The following NUDT3 variants were observed in gnomAD, a reference collection of about 807,000 sequenced individuals.
NUDT3 encodes the protein nudix hydrolase 3, also known as diphosphoinositol polyphosphate phosphohydrolase 1.
NUDT3 carries 9 observed loss-of-function variants against 23.6 expected under a neutral mutation model. The observed-to-expected ratio is 0.38, with a 90% CI of 0.23 to 0.66. The LOEUF (loss-of-function observed/expected upper bound fraction) is 0.66, where lower values mean the gene tolerates loss of function less well. NUDT3 is among the 30% of genes least tolerant of loss of function. The probability of loss-of-function intolerance (pLI) is 0.52; values close to 1 mark genes in which losing one functional copy is unlikely to be tolerated. For synonymous variants in NUDT3, 86 were observed against 82.6 expected (o/e 1.04, Z -0.22); for missense variants, 172 against 218.5 (o/e 0.79, Z 1.34).
intron 1 of NUDT3, among the ~76,000 whole-genome samples, chr6:34,384,715 G>A (rs1765076636): frequency 6.6e-6 from 1 of 152,188 alleles, no homozygotes; most frequent in African/African-American, 2.4e-5. Context: ...AAAGTATCAA[G>A]TAAAGGATAC....
chr6:34,366,578 G>C (rs1347677794), intron 1 of NUDT3, among the ~76,000 whole-genome samples: 1 of 150,392 alleles, frequency 6.6e-6, no homozygotes, highest in African/African-American at 2.4e-5. Context: ...GTTTTTTAGA[G>C]ACAGGGTCTC....
chr6:34,330,641 A>G (rs1764113127), intron 2 of NUDT3, among the ~76,000 whole-genome samples: 1 of 152,034 alleles, frequency 6.6e-6, no homozygotes, highest in Non-Finnish European at 1.5e-5. Context: ...TACAAAAAAT[A>G]CAAAAATTAG....
chr6:34,329,877 C>T (rs2113725351), intron 2 of NUDT3, among the ~76,000 whole-genome samples: 1 of 152,254 alleles, frequency 6.6e-6, no homozygotes, highest in East Asian at 1.9e-4. Flanking sequence ...TCAATTCCCA[C>T]CCATGAGTGA....
rs1303556590 is a variant in NUDT3 at position 34,288,013 on chromosome 6, A to T, written c.*740T>A. ...TGGGCAGGGAAATACAGCTTAAAGAAGGAAAGGCCATGAGTCCTGGGAGCA... is the reference window on the plus strand; with the variant it reads ...TGGGCAGGGAAATACAGCTTAAAGATGGAAAGGCCATGAGTCCTGGGAGCA... On this transcript the variant is annotated 3_prime_UTR_variant, in exon 5 of 5. Transcript: ENST00000607016. The T allele has an allele frequency of 6.6e-6, 1 of 152,236 alleles. No individual in the cohort carries two copies. Among genetic ancestry groups the T allele is most frequent in the East Asian group, 1.9e-4 (1 of 5,204 alleles). 9.4% of individuals were successfully genotyped at this position (152,236 alleles called of 1,614,324 possible).
intron 2 of NUDT3, among the ~76,000 whole-genome samples, chr6:34,309,737 T>C (rs1418181994): frequency 2.0e-5 from 3 of 152,010 alleles, no homozygotes; most frequent in African/African-American, 4.8e-5. Context: ...AAATTACTAA[T>C]ATTAGACATG....
At chr6:34,347,456 G>A (rs1449016678) in intron 1 of NUDT3, among the ~76,000 whole-genome samples, 1 of 151,536 alleles carries the variant, frequency 6.6e-6, no homozygotes, top group Non-Finnish European at 1.5e-5. Flanking sequence ...TCCATAGATA[G>A]ACTCTTGGAT....
Position 34,392,612 on chromosome 6 carries a change from C to G in NUDT3, c.-250G>C. On this transcript the variant is annotated 5_prime_UTR_variant, in exon 1 of 5. Coordinates refer to ENST00000607016, the MANE Select transcript of NUDT3 (RefSeq NM_006703.4). ...CCGCCAGGGCCGCCGCCCCCTCTGC[C>G]GCCGCCACCCCCGACGACGACCGCG... 3.6e-6 allele frequency: 1 copy of G among 280,130 alleles called. No individual in the cohort carries two copies. The allele number at this position is 280,130 out of a possible 1,614,324, so 17.4% of individuals were successfully genotyped here.
At chr6:34,359,976 G>A (rs1764621358) in intron 1 of NUDT3, among the ~76,000 whole-genome samples, 2 of 152,134 alleles carry the variant, frequency 1.3e-5, no homozygotes, top group Admixed American at 6.5e-5. Flanking sequence ...TTTTAAGAAT[G>A]TCTATACGCT....
chr6:34,386,738 T>C (rs751377619), intron 1 of NUDT3, among the ~76,000 whole-genome samples: 104 of 152,218 alleles, frequency 6.8e-4, no homozygotes, highest in Non-Finnish European at 1.2e-3. Context: ...TATCCCATCA[T>C]AGCTGTGGTG....
chr6:34,302,173 A>AGG (rs1763607698), intron 2 of NUDT3, among the ~76,000 whole-genome samples: 2 of 150,346 alleles, frequency 1.3e-5, no homozygotes, highest in African/African-American at 4.9e-5. Context: ...CTGGGACTAC[A>AGG]GGCACGTGCC....
chr6:34,302,591 G>A (rs988321990), intron 2 of NUDT3, among the ~76,000 whole-genome samples: 5 of 152,108 alleles, frequency 3.3e-5, no homozygotes, highest in Non-Finnish European at 7.4e-5. Context: ...AATTAGCCGA[G>A]CATGGTGGCG....
chr6:34,368,602 T>G lies in NUDT3; in HGVS notation c.99+23662A>C, dbSNP rs191419853. On this transcript the variant is annotated intron_variant, in intron 1 of 4. Coordinates refer to ENST00000607016, the MANE Select transcript of NUDT3 (RefSeq NM_006703.4). ...CTGGTGGCTCACAACCTCCCAGGTT[T>G]AAGCATCAACGTACGAAACAGTAGC... 1.2e-3 allele frequency among the ~76,000 whole-genome samples: 182 copies of G among 152,346 alleles called. 1 individual carries two copies. The East Asian group carries it at 0.013, about 11-fold the overall frequency.
chr6:34,318,740 T>G (rs1421137707), intron 2 of NUDT3, among the ~76,000 whole-genome samples: 1 of 152,134 alleles, frequency 6.6e-6, no homozygotes, highest in African/African-American at 2.4e-5. Flanking sequence ...AATTTTTTTT[T>G]TAACTGGAGA....
chr6:34,357,467 C>T lies in NUDT3; in HGVS notation c.100-15495G>A, dbSNP rs373918838. ...ATCTTTCTAAAAACTAAAAAATTAG[C>T]GGGGCATGGTAGTGAGCACCTGTAG... On this transcript the variant is annotated intron_variant, in intron 1 of 4. Coordinates refer to ENST00000607016, the MANE Select transcript of NUDT3 (RefSeq NM_006703.4). Among the ~76,000 whole-genome samples, 15 of 151,846 alleles carry T rather than the reference C, an allele frequency of 9.9e-5. 1 individual carries two copies. In the South Asian group the frequency reaches 1.0e-3, roughly 11 times the overall value.
At position 34,384,588 on chromosome 6, in the gene NUDT3, C is replaced by T. The variant is rs76635412; in HGVS notation, c.99+7676G>A. On this transcript the variant is annotated intron_variant, in intron 1 of 4. Transcript: ENST00000607016. The stretch of plus-strand genomic sequence containing the variant: ...GGCTGGGGGAAGAGGGATAATCTCA[C>T]TGGAAGTACTTTAGCAGGGCCAAAG... Among the ~76,000 whole-genome samples, 947 of 152,268 alleles carry T rather than the reference C, an allele frequency of 6.2e-3. 5 individuals carry two copies. The highest frequency in any genetic ancestry group is 0.016 in the African/African-American group (685 of 41,544).
In NUDT3 at chr6:34,330,794, C is replaced by A. The variant is rs149564442; in HGVS notation, c.210+11068G>T. Reference sequence around the variant, plus strand: ...CCAACCTAAGCAACAGAGCAAGACTCTGTCTCCAAAAAGAAAAAAAGAAAA... The same window carrying A: ...CCAACCTAAGCAACAGAGCAAGACTATGTCTCCAAAAAGAAAAAAAGAAAA... On this transcript the variant is annotated intron_variant, in intron 2 of 4. Transcript: ENST00000607016. Among the ~76,000 whole-genome samples the A allele has an allele frequency of 2.6e-5, 4 of 152,172 alleles. No individual in the cohort carries two copies. The East Asian group carries it at 7.7e-4, about 29-fold the overall frequency.
intron 4 of NUDT3, among the ~76,000 whole-genome samples, chr6:34,292,280 G>A (rs1039432628): frequency 4.6e-5 from 7 of 152,210 alleles, no homozygotes; most frequent in Non-Finnish European, 8.8e-5. Flanking sequence ...ACTGCCCAGA[G>A]TAACAATGTG....
chr6:34,289,489 C>A (rs930993232), intron 4 of NUDT3, among the ~76,000 whole-genome samples: 3 of 152,168 alleles, frequency 2.0e-5, no homozygotes, highest in African/African-American at 7.2e-5. Flanking sequence ...ATCACCTGAG[C>A]CCGGAAGGTC....
At chr6:34,353,132 CA>C (rs1367295764) in intron 1 of NUDT3, among the ~76,000 whole-genome samples, 1 of 152,094 alleles carries the variant, frequency 6.6e-6, no homozygotes, top group Non-Finnish European at 1.5e-5. Flanking sequence ...TGAGTATAAA[CA>C]AATACATATT....
Sources: allele counts gnomAD v4.1 joint callset (sites outside exome capture counted in the v4.1 genomes callset), GRCh38; gene constraint gnomAD v4.1.1; transcripts MANE v1.5; gene names NCBI Gene and HGNC (gene_info 2026-07-23, HGNC 2026-07-21).